GMDS: variants seen among roughly 807,000 people sequenced by gnomAD.
GMDS encodes GDP-mannose 4,6-dehydratase, also known as GDP-mannose 4,6 dehydratase.
Under a neutral mutation model 49.9 loss-of-function variants are expected in GMDS, and 20 were observed. The ratio of observed to expected loss-of-function variants is 0.40; its 90% CI spans 0.28 to 0.58. The LOEUF is 0.58. GMDS is among the 20% of genes least tolerant of loss of function. The pLI is 0.42. For synonymous variants in GMDS, 177 were observed against 178.6 expected, an observed-to-expected ratio of 0.99 and a Z score of 0.07; for missense variants, 362 against 481.4, an observed-to-expected ratio of 0.75 and a Z score of 2.32.
rs150454387 is a variant in GMDS, at chr6:2,203,820, C to T, written c.102+41501G>A. On this transcript the variant is annotated intron_variant, in intron 1 of 10. Coordinates refer to ENST00000380815, the MANE Select transcript of GMDS (RefSeq NM_001500.4). ...GGGAGGAAGGCAGGTGAAACATCATCGCAATAGCACAGGGAATGAAAACTG... is the reference window on the plus strand; with the variant it reads ...GGGAGGAAGGCAGGTGAAACATCATTGCAATAGCACAGGGAATGAAAACTG... Among the ~76,000 whole-genome samples, 764 of 152,224 alleles carry T rather than the reference C, an allele frequency of 5.0e-3. 8 individuals carry two copies. The highest frequency in any genetic ancestry group is 0.018 in the African/African-American group (736 of 41,526).
intron 8 of GMDS, among the ~76,000 whole-genome samples, chr6:1,729,682 A>C (rs1581517191): frequency 6.6e-6 from 1 of 152,264 alleles, no homozygotes; most frequent in Non-Finnish European, 1.5e-5. Flanking sequence ...TCTGTTAATG[A>C]AGTGACGGTG....
At chr6:2,182,728 C>A (rs1778608596) in intron 1 of GMDS, among the ~76,000 whole-genome samples, 1 of 152,180 alleles carries the variant, frequency 6.6e-6, no homozygotes, top group Non-Finnish European at 1.5e-5. Flanking sequence ...GTCTTTGAGA[C>A]AGAGTATCAC....
chr6:1,808,379 T>C (rs1561817414), intron 7 of GMDS, among the ~76,000 whole-genome samples: 1 of 152,216 alleles, frequency 6.6e-6, no homozygotes, highest in Non-Finnish European at 1.5e-5. Flanking sequence ...TTGCCACTTC[T>C]ACCACACATA....
chr6:1,837,616 C>G (rs1347966099), intron 7 of GMDS, among the ~76,000 whole-genome samples: 3 of 152,126 alleles, frequency 2.0e-5, no homozygotes, highest in African/African-American at 7.2e-5. Flanking sequence ...CTGTGGGAGC[C>G]AAGCAATGAA....
chr6:1,712,946 G>A (rs1320626110), intron 9 of GMDS, among the ~76,000 whole-genome samples: 1 of 152,204 alleles, frequency 6.6e-6, no homozygotes, highest in Admixed American at 6.5e-5. Flanking sequence ...CAATGTCCGT[G>A]GATGACCAGG....
chr6:2,244,250 G>A (rs748387589), intron 1 of GMDS, among the ~76,000 whole-genome samples: 1 of 151,876 alleles, frequency 6.6e-6, no homozygotes, highest in Non-Finnish European at 1.5e-5. Flanking sequence ...TTAACCTCAG[G>A]CAAATCAAAC....
exon 1 of GMDS, chr6:2,245,591 AGGCCGTGCAGGGAGGGCCGGGGGCG>A: frequency 2.6e-6 from 1 of 389,902 alleles, no homozygotes; most frequent in Non-Finnish European, 4.5e-6. Context: ...GGCGCACGGG[AGGCCGTGCAGGGAGGGCCGGGGGCG>A]GGCCGAGCCG....
rs375256771 is a variant in GMDS, at chr6:2,223,138, T to A, written c.102+22183A>T. Among the ~76,000 whole-genome samples the A allele has an allele frequency of 1.9e-3, 288 of 149,534 alleles. 1 individual carries two copies. The highest frequency in any genetic ancestry group is 3.4e-3 in the Middle Eastern group (1 of 290). The stretch of plus-strand genomic sequence containing the variant: ...ATCAATCAATCAATCAATAGCGCGC[T>A]CTCTCTCTCTCTATATATATATACA... On this transcript the variant is annotated intron_variant, in intron 1 of 10. Coordinates refer to ENST00000380815, the MANE Select transcript of GMDS (RefSeq NM_001500.4).
intron 4 of GMDS, among the ~76,000 whole-genome samples, chr6:1,963,672 C>A (rs1461711088): frequency 6.6e-6 from 1 of 151,944 alleles, no homozygotes; most frequent in Non-Finnish European, 1.5e-5. Context: ...TGCACTGGGT[C>A]TTTTTGTTAT....
intron 4 of GMDS, among the ~76,000 whole-genome samples, chr6:2,024,368 A>G (rs1445856285): frequency 1.3e-5 from 2 of 152,200 alleles, no homozygotes; most frequent in Admixed American, 6.5e-5. Context: ...AACAGTGAGT[A>G]AAGAAACTGG....
At position 1,714,859 on chromosome 6, in the gene GMDS, G is replaced by A. The variant is rs150581369; in HGVS notation, c.987+11557C>T. On this transcript the variant is annotated intron_variant, in intron 9 of 10. Transcript: ENST00000380815. ...ACAATGTGCATATGCTGTGGATGCCGGAGGCATCATGCCCTAGTGGTCTAA... is the reference window on the plus strand; with the variant it reads ...ACAATGTGCATATGCTGTGGATGCCAGAGGCATCATGCCCTAGTGGTCTAA... Among the ~76,000 whole-genome samples, 16 of 152,332 alleles carry A rather than the reference G, an allele frequency of 1.1e-4. 1 individual carries two copies. Among genetic ancestry groups the A allele is most frequent in the African/African-American group, 3.6e-4 (15 of 41,570 alleles).
chr6:1,643,652 G>A (rs990202403), intron 9 of GMDS, among the ~76,000 whole-genome samples: 1 of 151,998 alleles, frequency 6.6e-6, no homozygotes, highest in Non-Finnish European at 1.5e-5. Context: ...GGGCCACGGT[G>A]GGGGGGACAC....
At chr6:2,094,716 A>C (rs1773498919) in intron 4 of GMDS, among the ~76,000 whole-genome samples, 1 of 152,196 alleles carries the variant, frequency 6.6e-6, no homozygotes, top group Non-Finnish European at 1.5e-5. Context: ...ATTTGGGTTC[A>C]ATATAAGGAA....
At chr6:1,848,477 T>C (rs1757514099) in intron 7 of GMDS, among the ~76,000 whole-genome samples, 1 of 152,338 alleles carries the variant, frequency 6.6e-6, no homozygotes, top group South Asian at 2.1e-4. Context: ...TCTCGTCACC[T>C]CTCTTGACAT....
intron 9 of GMDS, among the ~76,000 whole-genome samples, chr6:1,674,560 C>T (rs10458128): frequency 2.0e-3 from 145 of 73,456 alleles, no homozygotes; most frequent in African/African-American, 3.0e-3. Flanking sequence ...CTCTCTCTCT[C>T]TTTTTTTTTT....
chr6:1,767,501 C>T (rs1333763567), intron 7 of GMDS, among the ~76,000 whole-genome samples: 1 of 152,228 alleles, frequency 6.6e-6, no homozygotes, highest in Non-Finnish European at 1.5e-5. Flanking sequence ...GCAGAATGTG[C>T]TATTGGTGGC....
chr6:1,905,106 T>C (rs1760690509), intron 7 of GMDS, among the ~76,000 whole-genome samples: 1 of 152,258 alleles, frequency 6.6e-6, no homozygotes, highest in Non-Finnish European at 1.5e-5. Context: ...TACCTGCATG[T>C]GCTCTGTGCA....
chr6:1,666,059 G>A (rs374544253), intron 9 of GMDS, among the ~76,000 whole-genome samples: 1 of 152,162 alleles, frequency 6.6e-6, no homozygotes. Flanking sequence ...GAGTGACAAC[G>A]ACACTTCCAT....
At chr6:1,929,975 T>TAAAC (rs1435637933) in intron 7 of GMDS, 128 bp downstream of exon 7, 2 of 804,858 alleles carry the variant, frequency 2.5e-6, no homozygotes, top group East Asian at 5.0e-5. Context: ...AGCATGAGTG[T>TAAAC]AAACATACCT....
Sources: gnomAD v4.1 joint callset for allele counts (sites outside exome capture counted in the v4.1 genomes callset) on GRCh38, gnomAD v4.1.1 for gene constraint, MANE v1.5 for transcripts, NCBI Gene and HGNC (gene_info 2026-07-23, HGNC 2026-07-21) for gene names.